The following CDHR1 variants were observed in gnomAD, a reference collection of about 807,000 sequenced individuals.
CDHR1 encodes the protein cadherin-related family member 1.
A neutral mutation model predicts 72.1 loss-of-function variants in CDHR1; 61 were observed. That is an observed-to-expected ratio of 0.85 (90% confidence interval 0.69 to 1.05). The LOEUF (loss-of-function observed/expected upper bound fraction) is 1.05, where lower values mean the gene tolerates loss of function less well. Among genes scored for constraint, CDHR1 ranks in the 50% least tolerant of loss-of-function variants. CDHR1 has a pLI of 0.00. For synonymous variants in CDHR1, 470 were observed against 448.1 expected, an observed-to-expected ratio of 1.05 and a Z score of -0.62; for missense variants, 1,186 against 1,115.7, an observed-to-expected ratio of 1.06 and a Z score of -0.90.
Position 84,215,564 on chromosome 10 carries a change from A to G in CDHR1, c.*943A>G. 11 of 878,940 alleles carry G rather than the reference A, an allele frequency of 1.3e-5. No individual in the cohort carries two copies. The highest frequency in any genetic ancestry group is 1.5e-5 in the Non-Finnish European group (11 of 732,850). 54.4% of individuals were successfully genotyped at this position (878,940 alleles called of 1,614,324 possible). ...GGAAAGCTGTTTAAAGTCGCTGATC[A>G]TCCTCTTCCTCATCTGTAAATGAAG... is the stretch of plus-strand genomic sequence containing the variant. On this transcript the variant is annotated 3_prime_UTR_variant, in exon 17 of 17. Coordinates refer to ENST00000623527, the MANE Select transcript of CDHR1 (RefSeq NM_033100.4).
rs1842351464 is a variant in CDHR1, at chr10:84,212,375, A to G, written c.1750A>G (p.Thr584Ala). Residue 584 changes from threonine (T) to alanine (A), a missense_variant, in exon 15 of 17, where the codon ACG (threonine) becomes GCG (alanine). By Grantham distance (58) the Thr-to-Ala change is moderately conservative. Transcript: ENST00000623527. ...GTTTGGAAAGAGCGTTCAGAAGAAG[A>G]CGATGGTGCTAGGGACCCCAGTGAA... ...PQFGKSVQKK[T>A]MVLGTPVKIE... is the part of the protein sequence containing the mutation. 2 of 1,614,232 alleles carry G rather than the reference A, an allele frequency of 1.2e-6. No individual in the cohort carries two copies. The highest frequency in any genetic ancestry group is 1.1e-5 in the South Asian group (1 of 91,090).
At chr10:84,195,677 G>A (rs1246436783) in intron 2 of CDHR1, 88 bp downstream of exon 2, 2 of 1,118,104 alleles carry the variant, frequency 1.8e-6, no homozygotes, top group South Asian at 2.6e-5. Context: ...CACCACCCAA[G>A]TTGCTGCGCG....
intron 11 of CDHR1, 135 bp from the exon 12 acceptor site, chr10:84,208,594 C>A: frequency 9.3e-7 from 1 of 1,077,604 alleles, no homozygotes; most frequent in Non-Finnish European, 1.4e-6. Flanking sequence ...AGTCCATTCA[C>A]AAGGAAAAGT....
chr10:84,213,192 G>A lies in CDHR1; in HGVS notation c.1884G>A (p.Glu628=), dbSNP rs1345923388. The A allele has an allele frequency of 3.1e-6, 5 of 1,614,120 alleles. No homozygotes were observed. Among genetic ancestry groups the A allele is most frequent in the Non-Finnish European group, 4.2e-6 (5 of 1,180,060 alleles). The stretch of plus-strand genomic sequence containing the variant: ...TCGACATCAATTCCCACACGGGGGA[G>A]ATCTGGCTCAAGAATTCCATCCGCT... ...NVFDINSHTG[E]IWLKNSIRSL... The change falls in exon 16 of 17, where the codon GAG becomes GAA. Residue 628 remains glutamate (E), a synonymous_variant. Transcript: ENST00000623527.
downstream of CDHR1, chr10:84,219,178 G>T (rs1842471528): frequency 6.5e-7 from 1 of 1,550,268 alleles, no homozygotes; most frequent in Admixed American, 2.0e-5. Context: ...TTCCAGCCAG[G>T]GTCTGTTCTT....
At position 84,205,777 on chromosome 10, in the gene CDHR1, C is replaced by T. The variant is rs149699802; in HGVS notation, c.863-50C>T. On this transcript the variant is annotated intron_variant, in intron 9 of 16. Coordinates refer to ENST00000623527, the MANE Select transcript of CDHR1 (RefSeq NM_033100.4). ...ACGATCCTGTGGCACGACTCCCCTG[C>T]GCCTCCCTGTGGTCCTGTGCAGAAC... is the stretch of plus-strand genomic sequence containing the variant. 851 of 1,307,658 alleles carry T rather than the reference C, an allele frequency of 6.5e-4. 5 individuals carry two copies. Among genetic ancestry groups the T allele is most frequent in the South Asian group, 5.3e-3 (442 of 83,180 alleles). The allele number at this position is 1,307,658 out of a possible 1,614,324, so 81.0% of individuals were successfully genotyped here. A position where few individuals can be genotyped will look rare whatever the true frequency, so the allele number is the denominator to read the frequency against.
intron 2 of CDHR1, among the ~76,000 whole-genome samples, chr10:84,196,172 G>C (rs1185706597): frequency 6.6e-6 from 1 of 152,156 alleles, no homozygotes; most frequent in Non-Finnish European, 1.5e-5. Context: ...CTCAATCTTG[G>C]ATCCTGAGAG....
chr10:84,211,809 G>C (rs1337143466), intron 14 of CDHR1, 94 bp downstream of exon 14: 2 of 1,049,276 alleles, frequency 1.9e-6, no homozygotes, highest in African/African-American at 3.1e-5. Flanking sequence ...GAGGGGCCTG[G>C]GAGGGACAGG....
chr10:84,195,428 A>G (rs1842010933), intron 1 of CDHR1, 66 bp from the exon 2 acceptor site: 2 of 1,442,534 alleles, frequency 1.4e-6, no homozygotes, highest in South Asian at 2.4e-5. Context: ...CGCTGGTGCG[A>G]AGCTCCCTCC....
chr10:84,211,008 C>T lies in CDHR1; in HGVS notation c.1328C>T (p.Ala443Val), dbSNP rs147726523. The change falls in exon 13 of 17, where the codon GCT becomes GTT. Residue 443 changes from alanine (A) to valine (V), a missense_variant. Physicochemically the swap from Ala to Val is moderately conservative, Grantham distance 64 (BLOSUM62 0). Transcript: ENST00000623527. Reference sequence around the variant, plus strand: ...ATTTTCCCCCCTTCCCAGCTCCTGGCTGTTGAAGTGAACACCCCAGAGAAG... The same window carrying T: ...ATTTTCCCCCCTTCCCAGCTCCTGGTTGTTGAAGTGAACACCCCAGAGAAG... Reference protein sequence around the residue: ...KSKVLTFKLLAVEVNTPEKFS... With the variant: ...KSKVLTFKLLVVEVNTPEKFS... 82 of 1,614,208 alleles carry T rather than the reference C, an allele frequency of 5.1e-5. No homozygotes were observed. The highest frequency in any genetic ancestry group is 1.6e-4 in the Middle Eastern group (1 of 6,062).
At chr10:84,197,764 A>G (rs371416045) in intron 3 of CDHR1, 22 bp from the exon 4 acceptor site, 7 of 1,611,840 alleles carry the variant, frequency 4.3e-6, no homozygotes, top group African/African-American at 1.3e-5. Flanking sequence ...CTGGACACTC[A>G]CTCAGTCCCT....
At chr10:84,204,337 C>T (rs976244770) in intron 8 of CDHR1, among the ~76,000 whole-genome samples, 190 bp from the exon 9 acceptor site, 5 of 152,176 alleles carry the variant, frequency 3.3e-5, no homozygotes, top group African/African-American at 7.2e-5. Context: ...GGCTATCCCT[C>T]CAGCCCTGGA....
At chr10:84,206,085 G>A (rs1334269637) in intron 10 of CDHR1, among the ~76,000 whole-genome samples, 158 bp downstream of exon 10, 1 of 152,192 alleles carries the variant, frequency 6.6e-6, no homozygotes, top group Admixed American at 6.5e-5. Flanking sequence ...TTCACAAACA[G>A]GGAGTCACAG....
Position 84,216,019 on chromosome 10 carries a change from C to T in CDHR1, c.*1398C>T. 1.0e-6 allele frequency: 1 copy of T among 985,444 alleles called. No homozygotes were observed. 61.0% of individuals were successfully genotyped at this position (985,444 alleles called of 1,614,324 possible). On this transcript the variant is annotated 3_prime_UTR_variant, in exon 17 of 17. Coordinates refer to ENST00000623527, the MANE Select transcript of CDHR1 (RefSeq NM_033100.4). ...AAGATCTTGTCTAGCCAGGGCAGCC[C>T]TTATCAGCTTGTGACAACCTTCCCC...
chr10:84,219,183 G>T (rs4244947), downstream of CDHR1: 38 of 1,550,222 alleles, frequency 2.5e-5, no homozygotes, highest in Non-Finnish European at 3.3e-5. Flanking sequence ...GCCAGGGTCT[G>T]TTCTTGCATC....
At position 84,217,716 on chromosome 10, in the gene CDHR1, T is replaced by G. The variant is rs868227399; in HGVS notation, c.*3095T>G. 9.1e-6 allele frequency: 9 copies of G among 985,318 alleles called. No homozygotes were observed. The highest frequency in any genetic ancestry group is 1.0e-3 in the Middle Eastern group (2 of 1,936). The allele number at this position is 985,318 out of a possible 1,614,324, so 61.0% of individuals were successfully genotyped here. A position where few individuals can be genotyped will look rare whatever the true frequency, so the allele number is the denominator to read the frequency against. On this transcript the variant is annotated 3_prime_UTR_variant, in exon 17 of 17. Transcript: ENST00000623527. ...CTCCATGCATCCTCACCCCCCAGGA[T>G]GTTTCCACCCACCTGTAGGTCCAGA...
chr10:84,219,095 A>G, downstream of CDHR1: 1 of 1,142,886 alleles, frequency 8.7e-7, no homozygotes, highest in Non-Finnish European at 1.3e-6. Context: ...AGACTAAGGT[A>G]CATGAAAAAT....
chr10:84,208,653 G>C (rs1227912371), intron 11 of CDHR1, 76 bp from the exon 12 acceptor site: 4 of 1,466,244 alleles, frequency 2.7e-6, no homozygotes, highest in Middle Eastern at 1.7e-4. Flanking sequence ...AAGGGCACGT[G>C]AAGACTTCTA....
rs565810598 is a variant in CDHR1 at position 84,205,713 on chromosome 10, A to T, written c.863-114A>T. 4.3e-5 allele frequency: 32 copies of T among 736,182 alleles called. No individual in the cohort carries two copies. In the South Asian group the frequency reaches 4.4e-4, roughly 10 times the overall value. 45.6% of individuals were successfully genotyped at this position (736,182 alleles called of 1,614,324 possible). ...TCCATGTTGACAAGACACAGATGAC[A>T]GGATTCCATTCTATGAAGACTTCCC... is the stretch of plus-strand genomic sequence containing the variant. On this transcript the variant is annotated intron_variant, in intron 9 of 16. Transcript: ENST00000623527.
Sources: allele counts gnomAD v4.1 joint callset (sites outside exome capture counted in the v4.1 genomes callset), GRCh38; gene constraint gnomAD v4.1.1; transcripts MANE v1.5; gene names NCBI Gene and HGNC (gene_info 2026-07-23, HGNC 2026-07-21).